The following BBS9 variants were observed in gnomAD, a reference collection of about 807,000 sequenced individuals.
BBS9 encodes Bardet-Biedl syndrome 9, also known as protein PTHB1.
In BBS9, 89 loss-of-function variants were observed where a neutral mutation model predicts 117.7. The ratio of observed to expected loss-of-function variants is 0.76; its 90% CI spans 0.64 to 0.90. The LOEUF is 0.90. BBS9 is among the 40% of genes least tolerant of loss of function. BBS9 has a pLI of 0.00. For synonymous variants in BBS9, 379 were observed against 370.9 expected (o/e 1.02, Z -0.25); for missense variants, 982 against 1,042.2 (o/e 0.94, Z 0.80).
chr7:33,314,130 C>T (rs1178200171), intron 9 of BBS9: 1 of 221,154 alleles, frequency 4.5e-6, no homozygotes, highest in Non-Finnish European at 9.2e-6. Context: ...TTGCTAAATG[C>T]TTGACTTATT....
chr7:33,221,052 CTGA>C (rs1790151422), intron 5 of BBS9, among the ~76,000 whole-genome samples: 1 of 152,204 alleles, frequency 6.6e-6, no homozygotes, highest in Admixed American at 6.5e-5. Flanking sequence ...TCTTTACAGA[CTGA>C]TGTCTTATCA....
intron 21 of BBS9, among the ~76,000 whole-genome samples, chr7:33,629,936 TA>T (rs932896208): frequency 7.9e-5 from 12 of 152,234 alleles, no homozygotes; most frequent in African/African-American, 2.9e-4. Flanking sequence ...TAAAAGACTT[TA>T]AAAGGCTAAT....
At chr7:33,393,719 C>G (rs560502388) in intron 19 of BBS9, among the ~76,000 whole-genome samples, 2 of 152,102 alleles carry the variant, frequency 1.3e-5, no homozygotes, top group Non-Finnish European at 1.5e-5. Context: ...TTGGGACAAA[C>G]ATATTGGTTA....
intron 17 of BBS9, among the ~76,000 whole-genome samples, chr7:33,379,644 A>C (rs1235187623): frequency 6.6e-6 from 1 of 152,226 alleles, no homozygotes; most frequent in East Asian, 1.9e-4. Flanking sequence ...TGTATCTGCT[A>C]TGTGAAAGTT....
At chr7:33,591,698 C>T (rs1861943345) in intron 21 of BBS9, among the ~76,000 whole-genome samples, 1 of 152,006 alleles carries the variant, frequency 6.6e-6, no homozygotes, top group South Asian at 2.1e-4. Context: ...AGCTGCTGGC[C>T]ATTACGATTT....
intron 21 of BBS9, among the ~76,000 whole-genome samples, chr7:33,581,049 C>T (rs894053598): frequency 4.6e-5 from 7 of 150,980 alleles, no homozygotes; most frequent in African/African-American, 1.5e-4. Context: ...TACCACTTAC[C>T]GAAAGGTGTG....
Position 33,361,620 on chromosome 7 carries a change from G to T in BBS9, c.1693+3625G>T, listed in dbSNP as rs78421161. On this transcript the variant is annotated intron_variant, in intron 16 of 22. Coordinates refer to ENST00000242067, the MANE Select transcript of BBS9 (RefSeq NM_198428.3). Reference sequence around the variant, plus strand: ...TTTTTGATATTATTAGGTAAAAAATGACATTTCATTTTTAACTTGAATTTC... The same window carrying T: ...TTTTTGATATTATTAGGTAAAAAATTACATTTCATTTTTAACTTGAATTTC... Among the ~76,000 whole-genome samples, 1,094 of 152,128 alleles carry T rather than the reference G, an allele frequency of 7.2e-3. 14 individuals carry two copies. The highest frequency in any genetic ancestry group is 0.024 in the African/African-American group (1,001 of 41,548).
chr7:33,322,646 C>T (rs1038404006), intron 9 of BBS9, among the ~76,000 whole-genome samples: 18 of 151,718 alleles, frequency 1.2e-4, no homozygotes, highest in African/African-American at 2.2e-4. Context: ...CTTAGTCTGG[C>T]GAAAGGTTTG....
chr7:33,195,157 CTG>C (rs1784740703), intron 5 of BBS9, among the ~76,000 whole-genome samples: 1 of 152,112 alleles, frequency 6.6e-6, no homozygotes, highest in Admixed American at 6.6e-5. Context: ...AGGGCAGGGA[CTG>C]TGTCTTTTGT....
At chr7:33,356,026 T>C (rs1283817935) in intron 15 of BBS9, among the ~76,000 whole-genome samples, 1 of 151,914 alleles carries the variant, frequency 6.6e-6, no homozygotes. Flanking sequence ...TGAAAGTGTA[T>C]AGAAGATAGT....
At chr7:33,264,005 C>G (rs1001185876) in intron 6 of BBS9, among the ~76,000 whole-genome samples, 1 of 151,974 alleles carries the variant, frequency 6.6e-6, no homozygotes, top group South Asian at 2.1e-4. Context: ...AGCATTGTTA[C>G]TTGTCACATA....
chr7:33,180,246 G>C (rs1225763923), intron 5 of BBS9, among the ~76,000 whole-genome samples: 5 of 152,106 alleles, frequency 3.3e-5, no homozygotes, highest in African/African-American at 7.2e-5. Flanking sequence ...ACAGCAGTAG[G>C]GGGTACCTGT....
chr7:33,361,301 A>G (rs1820573062), intron 16 of BBS9, among the ~76,000 whole-genome samples: 2 of 152,184 alleles, frequency 1.3e-5, no homozygotes, highest in South Asian at 4.1e-4. Flanking sequence ...TCATTTGATA[A>G]TAGTCTTTTA....
intron 5 of BBS9, among the ~76,000 whole-genome samples, chr7:33,214,619 CT>C (rs1337968525): frequency 6.6e-6 from 1 of 152,072 alleles, no homozygotes; most frequent in Non-Finnish European, 1.5e-5. Flanking sequence ...TTGCTCTGCC[CT>C]CCTAAGACTT....
intron 19 of BBS9, among the ~76,000 whole-genome samples, chr7:33,471,425 G>A (rs1841021805): frequency 6.6e-6 from 1 of 152,208 alleles, no homozygotes; most frequent in Non-Finnish European, 1.5e-5. Flanking sequence ...AGTATCATTA[G>A]AACTCCCTGA....
intron 21 of BBS9, among the ~76,000 whole-genome samples, chr7:33,586,137 G>T (rs1860847195): frequency 6.6e-6 from 1 of 151,802 alleles, no homozygotes; most frequent in East Asian, 1.9e-4. Context: ...CTTGATGTGT[G>T]GTTTTTCTGG....
intron 7 of BBS9, among the ~76,000 whole-genome samples, chr7:33,269,019 T>G (rs772130709): frequency 6.6e-6 from 1 of 152,246 alleles, no homozygotes; most frequent in Admixed American, 6.5e-5. Flanking sequence ...TTCTTAGTGT[T>G]GAATTCTAGT....
At chr7:33,240,282 G>A (rs1467977699) in intron 5 of BBS9, among the ~76,000 whole-genome samples, 2 of 149,890 alleles carry the variant, frequency 1.3e-5, no homozygotes, top group Admixed American at 1.3e-4. Context: ...TTTTGAGACA[G>A]GATCTTGCTA....
At chr7:33,165,761 C>T (rs567059705) in intron 4 of BBS9, among the ~76,000 whole-genome samples, 6 of 152,156 alleles carry the variant, frequency 3.9e-5, no homozygotes, top group African/African-American at 9.6e-5. Flanking sequence ...TTTTTAGCTT[C>T]GTTGTGATGG....
Sources: allele counts gnomAD v4.1 joint callset (sites outside exome capture counted in the v4.1 genomes callset), GRCh38; gene constraint gnomAD v4.1.1; transcripts MANE v1.5; gene names NCBI Gene and HGNC (gene_info 2026-07-23, HGNC 2026-07-21).